ATP5F1B: variants seen among roughly 807,000 people sequenced by gnomAD.
The protein encoded by ATP5F1B is ATP synthase F1 subunit beta.
A neutral mutation model predicts 45.9 loss-of-function variants in ATP5F1B; 17 were observed. The ratio of observed to expected loss-of-function variants is 0.37; its 90% CI spans 0.25 to 0.56. ATP5F1B has a LOEUF of 0.56. ATP5F1B is among the 20% of genes least tolerant of loss of function. ATP5F1B has a pLI of 0.80. For synonymous variants in ATP5F1B, 218 were observed against 256.5 expected, an observed-to-expected ratio of 0.85 and a Z score of 1.43; for missense variants, 387 against 673.2, an observed-to-expected ratio of 0.57 and a Z score of 4.70.
Position 56,645,226 on chromosome 12 carries a change from G to A in ATP5F1B, c.255C>T (p.Ala85=). 1 of 1,614,212 alleles carries A rather than the reference G, an allele frequency of 6.2e-7. No individual in the cohort carries two copies. The highest frequency in any genetic ancestry group is 8.5e-7 in the Non-Finnish European group (1 of 1,180,030). ...TGGTCTCCCTGCCTTGCACTTCCAGGGCATTTAGAATTGGTGGTAGTCCCT... is the reference window on the plus strand; with the variant it reads ...TGGTCTCCCTGCCTTGCACTTCCAGAGCATTTAGAATTGGTGGTAGTCCCT... ...FDEGLPPILN[A]LEVQGRETRL... The change falls in exon 2 of 10, where the codon GCC becomes GCT. Residue 85 remains alanine, a synonymous_variant. Coordinates refer to ENST00000262030, the MANE Select transcript of ATP5F1B (RefSeq NM_001686.4).
intron 5 of ATP5F1B, 82 bp downstream of exon 5, chr12:56,643,321 T>C: frequency 1.6e-6 from 2 of 1,252,532 alleles, no homozygotes; most frequent in Non-Finnish European, 2.2e-6. Context: ...AAAAATTAAA[T>C]AGAAAATATA....
rs762636588 is a variant in ATP5F1B at position 56,643,518 on chromosome 12, G to A, written c.677C>T (p.Ala226Val). Reference protein sequence around the residue: ...IMELINNVAKAHGGYSVFAGV... With the variant: ...IMELINNVAKVHGGYSVFAGV... ...AGCAAACACAGAGTAACCACCATGG[G>A]CTTTGGCGACATTGTTGATTAACTC... is the stretch of plus-strand genomic sequence containing the variant. Residue 226 changes from alanine (A) to valine (V), a missense_variant, in exon 5 of 10, where the codon GCC (alanine) becomes GTC (valine). Around this residue, in one of 6 missense-constraint regions of ATP5F1B, gnomAD observed 154 missense variants for 361.4 expected, o/e 0.43. Transcript: ENST00000262030. 2.5e-6 allele frequency: 4 copies of A among 1,614,042 alleles called. 1 individual carries two copies. The Admixed American group carries it at 6.7e-5, about 27-fold the overall frequency.
intron 3 of ATP5F1B, among the ~76,000 whole-genome samples, chr12:56,644,161 G>A (rs1476273208): frequency 6.6e-6 from 1 of 151,962 alleles, no homozygotes; most frequent in East Asian, 1.9e-4. Context: ...ATTATCTTAG[G>A]AAACAATAAT....
In ATP5F1B at chr12:56,645,938, G is replaced by A. The variant is rs754158869; in HGVS notation, c.26C>T (p.Ala9Val). The A allele has an allele frequency of 5.6e-5, 90 of 1,605,564 alleles. 3 individuals carry two copies. In the South Asian group the frequency reaches 9.2e-4, roughly 16 times the overall value. ...CAAGGCCCCGGAGGCCGGAGCAGCG[G>A]CCACCCGACCCACAAACCCCAACAT... MLGFVGRV[A>V]AAPASGALRR... The change falls in exon 1 of 10, where the codon GCC becomes GTC. Residue 9 changes from alanine to valine, a missense_variant. Ala to Val is a moderately conservative substitution (Grantham distance 64). Transcript: ENST00000262030.
At chr12:56,642,402 A>C (rs1398021829) in intron 7 of ATP5F1B, 56 bp downstream of exon 7, 1 of 1,604,550 alleles carries the variant, frequency 6.2e-7, no homozygotes, top group Non-Finnish European at 8.5e-7. Context: ...GCTGAGATGC[A>C]CCACTGCACC....
intron 2 of ATP5F1B, 48 bp downstream of exon 2, chr12:56,645,123 T>A: frequency 6.2e-7 from 1 of 1,612,644 alleles, no homozygotes; most frequent in Non-Finnish European, 8.5e-7. Flanking sequence ...GTTTTGGGGA[T>A]ATTTGGGCTA....
chr12:56,638,757 G>T (rs564144590), intron 9 of ATP5F1B, among the ~76,000 whole-genome samples: 1 of 152,166 alleles, frequency 6.6e-6, no homozygotes, highest in Admixed American at 6.5e-5. Context: ...TTAGCCAGGC[G>T]TGGTGGCGTG....
At chr12:56,642,948 T>C in intron 5 of ATP5F1B, 117 bp from the exon 6 acceptor site, 1 of 1,171,656 alleles carries the variant, frequency 8.5e-7, no homozygotes, top group African/African-American at 1.6e-5. Flanking sequence ...TCAGCGTTTT[T>C]GTGTGCAAGT....
chr12:56,643,348 G>T, intron 5 of ATP5F1B, 55 bp downstream of exon 5: 1 of 1,445,458 alleles, frequency 6.9e-7, no homozygotes, highest in Non-Finnish European at 9.4e-7. Context: ...GGCTTCAGTT[G>T]GCAATAGTTT....
rs1287390670 is a variant in ATP5F1B, at chr12:56,638,432, T to G, written c.1490-9A>C. On this transcript the variant is annotated splice_polypyrimidine_tract_variant and intron_variant, in intron 9 of 9. Coordinates refer to ENST00000262030, the MANE Select transcript of ATP5F1B (RefSeq NM_001686.4). ...GAGATGGTCATATTCACCTGTATGA[T>G]GGGGGAGAAAAAAAAAAAGAGTAAG... 1.9e-6 allele frequency: 3 copies of G among 1,587,712 alleles called. No homozygotes were observed. The African/African-American group carries it at 4.1e-5, about 22-fold the overall frequency.
intron 7 of ATP5F1B, among the ~76,000 whole-genome samples, chr12:56,640,732 G>A (rs1017120017): frequency 6.6e-6 from 1 of 151,806 alleles, no homozygotes; most frequent in African/African-American, 2.4e-5. Context: ...CTATTTTAAT[G>A]CCCACTTTTA....
In ATP5F1B at chr12:56,639,240, A is replaced by C. The variant is rs758248124; in HGVS notation, c.1355T>G (p.Leu452Trp). The change falls in exon 9 of 10, where the codon TTG becomes TGG. Residue 452 changes from leucine (L) to tryptophan (W), a missense_variant. Leu to Trp is a moderately conservative substitution (Grantham distance 61). Coordinates refer to ENST00000262030, the MANE Select transcript of ATP5F1B (RefSeq NM_001686.4). ...TATTTTCCGTGCACGGGACACGGTCAACTTGTCTTCCTCAGAAAGTTCATC... is the reference window on the plus strand; with the variant it reads ...TATTTTCCGTGCACGGGACACGGTCCACTTGTCTTCCTCAGAAAGTTCATC... ...GMDELSEEDKLTVSRARKIQR... is the reference protein window; with the variant it reads ...GMDELSEEDKWTVSRARKIQR... The C allele has an allele frequency of 1.9e-6, 3 of 1,614,092 alleles. No individual in the cohort carries two copies. In the South Asian group the frequency reaches 3.3e-5, roughly 18 times the overall value.
At chr12:56,644,987 T>C (rs746620154) in intron 2 of ATP5F1B, 32 bp from the exon 3 acceptor site, 1 of 1,614,158 alleles carries the variant, frequency 6.2e-7, no homozygotes, top group East Asian at 2.2e-5. Context: ...GGGTTATACA[T>C]AAGGATAAAT....
At chr12:56,644,978 G>A (rs1951539235) in intron 2 of ATP5F1B, 23 bp from the exon 3 acceptor site, 1 of 1,613,934 alleles carries the variant, frequency 6.2e-7, no homozygotes, top group Non-Finnish European at 8.5e-7. Flanking sequence ...GGCATCGCAG[G>A]GTTATACATA....
rs1592643446 is a variant in ATP5F1B, at chr12:56,638,813, T to C, written c.1489+293A>G. ...TGGATGGTTGAGGCTGGAGAATCAC[T>C]TGAACCCGGCAGGTGGAGGTTGCAG... On this transcript the variant is annotated intron_variant, in intron 9 of 9. Coordinates refer to ENST00000262030, the MANE Select transcript of ATP5F1B (RefSeq NM_001686.4). Among the ~76,000 whole-genome samples, 3 of 152,256 alleles carry C rather than the reference T, an allele frequency of 2.0e-5. No individual in the cohort carries two copies. In the South Asian group the frequency reaches 6.2e-4, roughly 32 times the overall value.
In ATP5F1B at chr12:56,642,569, T is replaced by C. The variant is rs955187649; in HGVS notation, c.963A>G (p.Leu321=). ...CCACAGCAGAAGGGATTCGGCCCAA[T>C]AATGCAGACACCTAAAAGAAAAAAA... ...FTQAGSEVSA[L]LGRIPSAVGY... Residue 321 remains leucine (L), a synonymous_variant, in exon 7 of 10, where the codon TTA becomes TTG. Transcript: ENST00000262030. 3.1e-6 allele frequency: 5 copies of C among 1,614,106 alleles called. 1 individual carries two copies. The highest frequency in any genetic ancestry group is 1.7e-5 in the Admixed American group (1 of 60,004).
chr12:56,645,367 G>T lies in ATP5F1B; in HGVS notation c.128-14C>A, dbSNP rs760380343. ...CATAGTCCCTGACTAACAGACAAAA[G>T]ATATTGGAAGGAGCTGGGGTCAGGC... is the stretch of plus-strand genomic sequence containing the variant. On this transcript the variant is annotated splice_polypyrimidine_tract_variant and intron_variant, in intron 1 of 9. Transcript: ENST00000262030. 19 of 1,608,744 alleles carry T rather than the reference G, an allele frequency of 1.2e-5. No individual in the cohort carries two copies. The highest frequency in any genetic ancestry group is 1.4e-5 in the Non-Finnish European group (17 of 1,176,606).
At chr12:56,644,386 G>A (rs1490624810) in intron 3 of ATP5F1B, among the ~76,000 whole-genome samples, 2 of 146,376 alleles carry the variant, frequency 1.4e-5, no homozygotes, top group African/African-American at 2.5e-5. Flanking sequence ...GGTGGGGGGG[G>A]AATCACCCAA....
At position 56,645,981 on chromosome 12, in the gene ATP5F1B, G is replaced by A. The variant is rs774950891; in HGVS notation, c.-18C>T. 1.9e-6 allele frequency: 3 copies of A among 1,586,504 alleles called. No individual in the cohort carries two copies. The highest frequency in any genetic ancestry group is 3.6e-5 in the Admixed American group (2 of 55,468). On this transcript the variant is annotated 5_prime_UTR_variant, in exon 1 of 10. Coordinates refer to ENST00000262030, the MANE Select transcript of ATP5F1B (RefSeq NM_001686.4). ...CCCAACATGGCGTAGTCCGGGTGGA[G>A]ACTGAAGGCTGCAGCAACCGCAGCC...
Sources: allele counts gnomAD v4.1 joint callset (sites outside exome capture counted in the v4.1 genomes callset), GRCh38; gene constraint gnomAD v4.1.1; regional missense constraint gnomAD v4.1.1; transcripts MANE v1.5; gene names NCBI Gene and HGNC (gene_info 2026-07-23, HGNC 2026-07-21).